IRAK1: variants seen among roughly 807,000 people sequenced by gnomAD.
The protein encoded by IRAK1 is interleukin-1 receptor-associated kinase 1.
In IRAK1, 9 loss-of-function variants were observed where a neutral mutation model predicts 49.8. That is an observed-to-expected ratio of 0.18 (90% CI 0.11 to 0.32). The LOEUF (loss-of-function observed/expected upper bound fraction) is 0.32, where lower values mean the gene tolerates loss of function less well. Among genes scored for constraint, IRAK1 ranks in the 10% least tolerant of loss-of-function variants. The pLI is 1.00. For missense variants in IRAK1, 418 were observed against 600.5 expected (o/e 0.70, Z 3.18); for synonymous variants, 282 against 270.8 (o/e 1.04, Z -0.41).
Position 154,017,795 on chromosome X carries a change from C to CAAAAA in IRAK1, c.909+206_909+210dup, listed in dbSNP as rs1451487402. ...TGGATGACAGAGCAAGACTCCACCT[C>CAAAAA]AAAAAAAAAAAAAAAAAAAAAAAAA... On this transcript the variant is annotated intron_variant, in intron 7 of 13. Transcript: ENST00000369980. 1.1e-3 allele frequency among the ~76,000 whole-genome samples: 28 copies of CAAAAA among 26,175 alleles called. 2 individuals carry two copies. The highest frequency in any genetic ancestry group is 1.6e-3 in the Non-Finnish European group (26 of 16,730). The allele number at this position is 26,175 out of a possible 115,157, so 22.7% of individuals were successfully genotyped here.
rs373959036 is a variant in IRAK1 at position 154,011,615 on chromosome X, G to A, written c.*244C>T. On this transcript the variant is annotated 3_prime_UTR_variant, in exon 14 of 14. Coordinates refer to ENST00000369980, the MANE Select transcript of IRAK1 (RefSeq NM_001569.4). ...TGCAGCCAGCAGCCTCCCAACATGC[G>A]CCAGCCTCCTCACTGGATGATGCCA... 2.8e-5 allele frequency: 13 copies of A among 462,420 alleles called. No homozygotes were observed. The South Asian group carries it at 2.9e-4, about 10-fold the overall frequency. 38.1% of individuals were successfully genotyped at this position (462,420 alleles called of 1,213,427 possible). A position where few individuals can be genotyped will look rare whatever the true frequency, so the allele number is the denominator to read the frequency against.
rs1320784683 is a variant in IRAK1, at chrX:154,019,826, G to T, written c.-14C>A. 8.0e-5 allele frequency: 67 copies of T among 838,894 alleles called. No homozygotes were observed. The highest frequency in any genetic ancestry group is 9.7e-5 in the Non-Finnish European group (67 of 693,294). 69.1% of individuals were successfully genotyped at this position (838,894 alleles called of 1,213,427 possible). ...CCCCCCGGCCATGGCTGCCGCCGCC[G>T]GGCCGGGACCTGCCGGGGCCTCTCA... On this transcript the variant is annotated 5_prime_UTR_variant, in exon 1 of 14. Transcript: ENST00000369980.
At position 154,019,862 on chromosome X, in the gene IRAK1, G is replaced by A; in HGVS notation, c.-50C>T. 1.4e-6 allele frequency: 1 copy of A among 700,067 alleles called. No individual in the cohort carries two copies. 57.7% of individuals were successfully genotyped at this position (700,067 alleles called of 1,213,427 possible). ...TGCCGGGGCCTCTCAGGGCCGCGGC[G>A]GGCGCGGGCCTGGGCCGGCCGGGTC... On this transcript the variant is annotated 5_prime_UTR_variant, in exon 1 of 14. Transcript: ENST00000369980.
chrX:154,011,932 G>A lies in IRAK1; in HGVS notation c.2081-15C>T, dbSNP rs782464716. The A allele has an allele frequency of 2.5e-6, 3 of 1,201,482 alleles. No homozygotes were observed. Among genetic ancestry groups the A allele is most frequent in the Non-Finnish European group, 3.4e-6 (3 of 888,481 alleles). ...CAGGCCCAAGCCTACAGAAGGAAGA[G>A]GAAAGTCCGCTTAGCAAATGGGGGA... On this transcript the variant is annotated splice_polypyrimidine_tract_variant and intron_variant, in intron 13 of 13. Transcript: ENST00000369980.
chrX:154,018,991 G>C lies in IRAK1; in HGVS notation c.524C>G (p.Ala175Gly). 1 of 1,201,484 alleles carries C rather than the reference G, an allele frequency of 8.3e-7. No homozygotes were observed. Among genetic ancestry groups the C allele is most frequent in the Non-Finnish European group, 1.1e-6 (1 of 889,543 alleles). Residue 175 changes from alanine to glycine, a missense_variant, in exon 4 of 14, where the codon GCC becomes GGC. Physicochemically the swap from Ala to Gly is moderately conservative, Grantham distance 60. Coordinates refer to ENST00000369980, the MANE Select transcript of IRAK1 (RefSeq NM_001569.4). ...GACACCTACCTTGGTAGAAGAAGGG[G>C]CTGGAGATGGCGGTGGAGGCCACAG... ...ASLWPPPPSP[A>G]PSSTKPGPES...
At position 154,018,526 on chromosome X, in the gene IRAK1, G is replaced by C. The variant is rs2065756209; in HGVS notation, c.729+73C>G. 24 of 968,004 alleles carry C rather than the reference G, an allele frequency of 2.5e-5. No homozygotes were observed. In the South Asian group the frequency reaches 3.9e-4, roughly 16 times the overall value. The allele number at this position is 968,004 out of a possible 1,213,427, so 79.8% of individuals were successfully genotyped here. A position where few individuals can be genotyped will look rare whatever the true frequency, so the allele number is the denominator to read the frequency against. On this transcript the variant is annotated intron_variant, in intron 5 of 13. Transcript: ENST00000369980. Reference sequence around the variant, plus strand: ...CTGAAGGAGTTGTGTGGGGAAGCGAGGGGGAAAGGCTGGAGAAGTGGTGAG... The same window carrying C: ...CTGAAGGAGTTGTGTGGGGAAGCGACGGGGAAAGGCTGGAGAAGTGGTGAG...
In IRAK1 at chrX:154,012,774, G is replaced by T; in HGVS notation, c.1931-96C>A. ...CCTGGCCTCAGGCCTGAATTCCTCA[G>T]AGAAGTCCAAGGGCAGGGCCCAGCT... On this transcript the variant is annotated intron_variant, in intron 12 of 13. Coordinates refer to ENST00000369980, the MANE Select transcript of IRAK1 (RefSeq NM_001569.4). 3 of 997,357 alleles carry T rather than the reference G, an allele frequency of 3.0e-6. No individual in the cohort carries two copies. In the Admixed American group the frequency reaches 8.2e-5, roughly 27 times the overall value. The allele number at this position is 997,357 out of a possible 1,213,427, so 82.2% of individuals were successfully genotyped here.
intron 7 of IRAK1, 84 bp from the exon 8 acceptor site, chrX:154,017,151 C>G (rs1474069430): frequency 1.2e-5 from 7 of 606,054 alleles, no homozygotes; most frequent in Non-Finnish European, 2.0e-5. Context: ...ACCGTGCAGC[C>G]TGGAACAGCC....
chrX:154,014,800 G>A (rs1215971867), intron 10 of IRAK1, among the ~76,000 whole-genome samples: 2 of 112,101 alleles, frequency 1.8e-5, no homozygotes, highest in Non-Finnish European at 3.8e-5. Context: ...GGTGCTCTGG[G>A]CCCTAGGGAT....
chrX:154,017,976 T>TGGGAAGCGTGCCGGGCC (rs1557129873), intron 7 of IRAK1, 30 bp downstream of exon 7: 5 of 1,077,635 alleles, frequency 4.6e-6, no homozygotes, highest in Non-Finnish European at 6.5e-6. Flanking sequence ...CTTTGGGTCC[T>TGGGAAGCGTGCCGGGCC]GGGAAGCGTG....
intron 7 of IRAK1, among the ~76,000 whole-genome samples, 168 bp downstream of exon 7, chrX:154,017,838 G>A (rs181591205): frequency 1.1e-4 from 11 of 103,288 alleles, no homozygotes; most frequent in East Asian, 3.1e-4. Context: ...TGACCCCACC[G>A]TGGGCCAAAT....
At chrX:154,016,330 TG>T in intron 9 of IRAK1, 106 bp downstream of exon 9, 1 of 788,134 alleles carries the variant, frequency 1.3e-6, no homozygotes, top group Non-Finnish European at 1.9e-6. Context: ...TGCAGCCTCC[TG>T]GGGTCTTGGC....
chrX:154,016,569 G>T lies in IRAK1; in HGVS notation c.1104C>A (p.Ala368=). ...DFGLARFSRF[A]GSSPSQSSMV... is the part of the protein sequence containing the mutation. ...TGCTGCTCTGGCTGGGGCTGGACCC[G>T]GCAAAGCGGCTGAACCGGGCCAGGC... The change falls in exon 9 of 14, where the codon GCC becomes GCA. Residue 368 remains alanine, a synonymous_variant. Coordinates refer to ENST00000369980, the MANE Select transcript of IRAK1 (RefSeq NM_001569.4). 1 of 1,211,495 alleles carries T rather than the reference G, an allele frequency of 8.3e-7. No homozygotes were observed.
chrX:154,013,445 A>G lies in IRAK1; in HGVS notation c.1540-12T>C, dbSNP rs2065716184. On this transcript the variant is annotated splice_polypyrimidine_tract_variant and intron_variant, in intron 11 of 13. Transcript: ENST00000369980. ...AGCCTCTCGTACACCTGCAAGTGGA[A>G]AAGAGGGACTCTCAGGGTGAGATGG... 1.7e-6 allele frequency: 2 copies of G among 1,165,375 alleles called. No homozygotes were observed.
In IRAK1 at chrX:154,016,671, G is replaced by GC. The variant is rs1246097667; in HGVS notation, c.1029-28dup. The GC allele has an allele frequency of 2.6e-6, 3 of 1,140,247 alleles. No homozygotes were observed. The African/African-American group carries it at 5.3e-5, about 20-fold the overall frequency. 94.0% of individuals were successfully genotyped at this position (1,140,247 alleles called of 1,213,427 possible). ...TTGGGGAGAGAAGACAGTGGCGTCA[G>GC]CCCGGTCCTAGCTCCTACACCTGCC... is the stretch of plus-strand genomic sequence containing the variant. On this transcript the variant is annotated intron_variant, in intron 8 of 13. Coordinates refer to ENST00000369980, the MANE Select transcript of IRAK1 (RefSeq NM_001569.4).
intron 10 of IRAK1, 99 bp from the exon 11 acceptor site, chrX:154,014,377 A>C: frequency 2.5e-6 from 1 of 402,698 alleles, no homozygotes; most frequent in Non-Finnish European, 4.2e-6. Flanking sequence ...TTGATAAAAA[A>C]AAAAAAAAAA....
intron 10 of IRAK1, 189 bp from the exon 11 acceptor site, chrX:154,014,467 A>C: frequency 2.2e-6 from 1 of 448,192 alleles, no homozygotes. Context: ...TCAGCCTCCC[A>C]AAGTGCTGGT....
At position 154,016,722 on chromosome X, in the gene IRAK1, G is replaced by A. The variant is rs782190236; in HGVS notation, c.1029-78C>T. The A allele has an allele frequency of 5.6e-6, 5 of 900,290 alleles. No individual in the cohort carries two copies. The South Asian group carries it at 1.1e-4, about 20-fold the overall frequency. 74.2% of individuals were successfully genotyped at this position (900,290 alleles called of 1,213,427 possible). A position where few individuals can be genotyped will look rare whatever the true frequency, so the allele number is the denominator to read the frequency against. On this transcript the variant is annotated intron_variant, in intron 8 of 13. Transcript: ENST00000369980. ...CGGCTTAGATAAGGCTGGACTCGAG[G>A]CTGCCAGCCCGGTGCCTTGCCCACA...
At chrX:154,017,159 G>C in intron 7 of IRAK1, 92 bp from the exon 8 acceptor site, 1 of 580,623 alleles carries the variant, frequency 1.7e-6, no homozygotes, top group Non-Finnish European at 3.0e-6. Flanking sequence ...GCCTGGAACA[G>C]CCACTTCACT....
Sources: gnomAD v4.1 joint callset for allele counts (sites outside exome capture counted in the v4.1 genomes callset) on GRCh38, gnomAD v4.1.1 for gene constraint, MANE v1.5 for transcripts, NCBI Gene and HGNC (gene_info 2026-07-23, HGNC 2026-07-21) for gene names.